The following ECE1 variants were observed in gnomAD, a reference collection of about 807,000 sequenced individuals.
ECE1 encodes the protein endothelin-converting enzyme 1.
A neutral mutation model predicts 98.6 loss-of-function variants in ECE1; 35 were observed. The observed-to-expected ratio is 0.35, with a 90% CI of 0.27 to 0.47. The LOEUF is 0.47. ECE1 is among the 20% of genes least tolerant of loss of function. The probability of loss-of-function intolerance (pLI) is 1.00; values close to 1 mark genes in which losing one functional copy is unlikely to be tolerated. For missense variants in ECE1, 814 were observed against 1,025.3 expected, an observed-to-expected ratio of 0.79 and a Z score of 2.81; for synonymous variants, 394 against 407.1, an observed-to-expected ratio of 0.97 and a Z score of 0.39.
intron 10 of ECE1, among the ~76,000 whole-genome samples, chr1:21,242,507 A>G (rs1387262738): frequency 6.6e-6 from 1 of 152,210 alleles, no homozygotes; most frequent in Admixed American, 6.5e-5. Context: ...TGGGCTGAAC[A>G]CAAGGAGGAG....
At chr1:21,226,646 C>G (rs1026970763) in intron 16 of ECE1, among the ~76,000 whole-genome samples, 8 of 152,226 alleles carry the variant, frequency 5.3e-5, no homozygotes, top group African/African-American at 1.9e-4. Context: ...CCTCCCACCT[C>G]AGCCTCCCAA....
chr1:21,333,952 A>G (rs1445579458), intron 1 of ECE1, among the ~76,000 whole-genome samples: 1 of 152,200 alleles, frequency 6.6e-6, no homozygotes, highest in Non-Finnish European at 1.5e-5. Context: ...CACTTTTCAC[A>G]ACACCACTAT....
Position 21,345,219 on chromosome 1 carries a change from G to T in ECE1, c.3+157C>A. 1.9e-6 allele frequency: 2 copies of T among 1,032,608 alleles called. No homozygotes were observed. Among genetic ancestry groups the T allele is most frequent in the Non-Finnish European group, 2.4e-6 (2 of 830,752 alleles). The allele number at this position is 1,032,608 out of a possible 1,614,324, so 64.0% of individuals were successfully genotyped here. On this transcript the variant is annotated intron_variant, in intron 1 of 18. Transcript: ENST00000415912. The surrounding 1 kb of genome is among the most constrained non-coding windows in gnomAD (Gnocchi z 5.1). ...GCCGCGCTCTGCCCGGGCGCTCCCC[G>T]ACTCCACGCCTTCCGAGAGCCGGGC...
At chr1:21,316,244 G>A (rs1336529394) in intron 1 of ECE1, among the ~76,000 whole-genome samples, 1 of 152,046 alleles carries the variant, frequency 6.6e-6, no homozygotes, top group East Asian at 1.9e-4. Context: ...ATGATGCCGT[G>A]GGTTTATCTG....
intron 1 of ECE1, among the ~76,000 whole-genome samples, chr1:21,306,387 A>T (rs939213649): frequency 2.0e-5 from 3 of 147,846 alleles, no homozygotes; most frequent in African/African-American, 7.7e-5. Context: ...CCCAGGCTGG[A>T]GTGCAATGGC....
intron 1 of ECE1, among the ~76,000 whole-genome samples, chr1:21,335,335 G>A (rs1639286474): frequency 6.6e-6 from 1 of 152,160 alleles, no homozygotes; most frequent in African/African-American, 2.4e-5. Flanking sequence ...CGATCCTTCT[G>A]GTGGGTGGCT....
Position 21,258,866 on chromosome 1 carries a change from G to T in ECE1, c.616-27C>A. On this transcript the variant is annotated intron_variant, in intron 5 of 18. Transcript: ENST00000374893. This position sits in a 1 kb window ranked among gnomAD's most constrained non-coding sequence, Gnocchi z 4.2. The stretch of plus-strand genomic sequence containing the variant: ...TGTGGGGAGGGAGAGCAGGCAGGGA[G>T]GTGATGAGGTGGCGGGGAGACCCAG... 6.2e-7 allele frequency: 1 copy of T among 1,613,754 alleles called. No homozygotes were observed. Among genetic ancestry groups the T allele is most frequent in the South Asian group, 1.1e-5 (1 of 91,056 alleles).
chr1:21,260,155 T>C lies in ECE1; in HGVS notation c.615+116A>G. On this transcript the variant is annotated intron_variant, in intron 5 of 18. Transcript: ENST00000374893. This position sits in a 1 kb window ranked among gnomAD's most constrained non-coding sequence, Gnocchi z 4.3. ...CTCTCTCTTTCTGTCTTTCTCTTGG[T>C]GCTACCGGCTGGACGTATGAGGTGG... The C allele has an allele frequency of 2.7e-6, 4 of 1,456,700 alleles. No individual in the cohort carries two copies. Among genetic ancestry groups the C allele is most frequent in the Non-Finnish European group, 3.8e-6 (4 of 1,040,554 alleles). 90.2% of individuals were successfully genotyped at this position (1,456,700 alleles called of 1,614,324 possible). A position where few individuals can be genotyped will look rare whatever the true frequency, so the allele number is the denominator to read the frequency against.
At chr1:21,248,625 T>C (rs921413986) in intron 8 of ECE1, among the ~76,000 whole-genome samples, 27 of 151,964 alleles carry the variant, frequency 1.8e-4, no homozygotes, top group African/African-American at 6.5e-4. Context: ...AGCTCTCTTT[T>C]TCTTTTCTTT....
intron 2 of ECE1, among the ~76,000 whole-genome samples, chr1:21,286,859 T>C (rs1370650869): frequency 6.6e-6 from 1 of 150,734 alleles, no homozygotes; most frequent in African/African-American, 2.5e-5. Context: ...AGGCTGCTAG[T>C]AAGCCCAGAT....
At chr1:21,286,497 G>A (rs2098260679) in intron 2 of ECE1, among the ~76,000 whole-genome samples, 1 of 152,220 alleles carries the variant, frequency 6.6e-6, no homozygotes, top group Non-Finnish European at 1.5e-5. Context: ...CTGTGGAAGT[G>A]AGTTGCTTTC....
At chr1:21,264,787 A>T (rs930400929) in intron 4 of ECE1, among the ~76,000 whole-genome samples, 1 of 152,220 alleles carries the variant, frequency 6.6e-6, no homozygotes, top group Non-Finnish European at 1.5e-5. Context: ...CATTTCATGG[A>T]GGCGTAATGA....
At chr1:21,228,095 G>A (rs2098176788) in intron 14 of ECE1, 54 bp from the exon 15 acceptor site, 6 of 1,408,910 alleles carry the variant, frequency 4.3e-6, no homozygotes, top group Admixed American at 2.0e-5. Context: ...GGCAGGTGGG[G>A]ACAGCCTGCC....
chr1:21,228,623 C>T (rs10916953), intron 14 of ECE1, among the ~76,000 whole-genome samples: 21,363 of 151,238 alleles, frequency 0.14, 3,538 homozygotes, highest in African/African-American at 0.4. Flanking sequence ...CTGTCTCTAC[C>T]AAAAATACAA....
intron 1 of ECE1, among the ~76,000 whole-genome samples, chr1:21,335,656 C>T (rs1016739567): frequency 1.3e-5 from 2 of 152,142 alleles, no homozygotes; most frequent in Middle Eastern, 3.2e-3. Flanking sequence ...GCTCTTAGGG[C>T]GGGTACCAAG....
Position 21,221,809 on chromosome 1 carries a change from C to T in ECE1, c.2074G>A (p.Glu692Lys). 2.5e-6 allele frequency: 4 copies of T among 1,614,188 alleles called. No homozygotes were observed. Among genetic ancestry groups the T allele is most frequent in the Non-Finnish European group, 3.4e-6 (4 of 1,180,036 alleles). Residue 692 changes from glutamate (E) to lysine (K), a missense_variant, in exon 18 of 19, where the codon GAG (glutamate) becomes AAG (lysine). Glu to Lys is a moderately conservative substitution (Grantham distance 56). Around this residue, in one of 3 missense-constraint regions of ECE1, gnomAD observed 452 missense variants for 567.3 expected, o/e 0.80. Transcript: ENST00000374893. ...AGGCCCAGGGTGGGGAGCGAGTGCT[C>T]AGCCCCGTTCTTCTTCACCCAGTTC... ...YQNWVKKNGA[E>K]HSLPTLGLTN...
intron 3 of ECE1, among the ~76,000 whole-genome samples, chr1:21,276,906 G>A (rs1273453523): frequency 1.3e-5 from 2 of 152,028 alleles, no homozygotes; most frequent in South Asian, 2.1e-4. Flanking sequence ...TAGTAGAGAC[G>A]GGGTTTCACC....
At chr1:21,308,543 A>G (rs1181668882) in intron 1 of ECE1, among the ~76,000 whole-genome samples, 1 of 152,150 alleles carries the variant, frequency 6.6e-6, no homozygotes. Context: ...TTGGGATCAG[A>G]GACAAGATCA....
At chr1:21,289,906 G>A (rs887893427) in intron 2 of ECE1, among the ~76,000 whole-genome samples, 164 bp downstream of exon 2, 1 of 151,512 alleles carries the variant, frequency 6.6e-6, no homozygotes, top group South Asian at 2.1e-4. Flanking sequence ...TTCTCAGCGC[G>A]GAGCTCCAGC....
Sources: allele counts gnomAD v4.1 joint callset (sites outside exome capture counted in the v4.1 genomes callset), GRCh38; gene constraint gnomAD v4.1.1; regional missense constraint gnomAD v4.1.1; non-coding constraint Gnocchi (gnomAD v3.1); transcripts MANE v1.5; gene names NCBI Gene and HGNC (gene_info 2026-07-23, HGNC 2026-07-21).